GRIA3: variants seen among roughly 807,000 people sequenced by gnomAD.
The protein encoded by GRIA3 is glutamate receptor 3.
Under a neutral mutation model 63.0 loss-of-function variants are expected in GRIA3, and 3 were observed. The ratio of observed to expected loss-of-function variants is 0.05; its 90% confidence interval spans 0.02 to 0.12. The LOEUF (loss-of-function observed/expected upper bound fraction) is 0.12, where lower values mean the gene tolerates loss of function less well. GRIA3 is among the 10% of genes least tolerant of loss of function. GRIA3 has a pLI of 1.00. For missense variants in GRIA3, 347 were observed against 700.9 expected (o/e 0.50, Z 5.70); for synonymous variants, 274 against 257.9 (o/e 1.06, Z -0.60).
chrX:123,355,070 C>T (rs1337385360), intron 5 of GRIA3, 107 bp downstream of exon 5: 18 of 620,542 alleles, frequency 2.9e-5, no homozygotes, highest in Non-Finnish European at 3.6e-5. Context: ...TCTCCAGAAA[C>T]TTGGAGAAAT....
At chrX:123,406,717 G>A (rs1034514326) in intron 10 of GRIA3, among the ~76,000 whole-genome samples, 2 of 111,321 alleles carry the variant, frequency 1.8e-5, no homozygotes, top group Non-Finnish European at 1.9e-5. Context: ...TGGGAACTGA[G>A]GCAGGGCTAA....
At chrX:123,464,774 G>A (rs1352360006) in intron 12 of GRIA3, 91 bp from the exon 13 acceptor site, 1 of 785,875 alleles carries the variant, frequency 1.3e-6, no homozygotes, top group Non-Finnish European at 1.9e-6. Context: ...TTATTACTGT[G>A]GATTGCAATT....
intron 4 of GRIA3, 117 bp downstream of exon 4, chrX:123,326,330 A>T: frequency 3.9e-6 from 2 of 516,688 alleles, no homozygotes; most frequent in Non-Finnish European, 3.3e-6. Context: ...ACAGTTTTTG[A>T]TAGTCTCTCT....
chrX:123,193,511 G>C (rs1382935585), intron 2 of GRIA3, among the ~76,000 whole-genome samples: 4 of 112,014 alleles, frequency 3.6e-5, no homozygotes, highest in African/African-American at 1.3e-4. Context: ...CATTTTCAAG[G>C]CCTGTGCCAG....
At chrX:123,321,400 C>T (rs1375486865) in intron 3 of GRIA3, among the ~76,000 whole-genome samples, 1 of 112,108 alleles carries the variant, frequency 8.9e-6, no homozygotes, top group Admixed American at 9.5e-5. Flanking sequence ...AGTACAAATG[C>T]TGTGGCTCTG....
At chrX:123,374,260 C>T (rs112948800) in intron 5 of GRIA3, among the ~76,000 whole-genome samples, 15,538 of 111,220 alleles carry the variant, frequency 0.14, 1,023 homozygotes, top group Non-Finnish European at 0.2. Context: ...TTACTGTAGC[C>T]TTGTAGTATA....
Position 123,185,321 on chromosome X carries a change from C to A in GRIA3, c.110-511C>A, listed in dbSNP as rs753987261. Reference sequence around the variant, plus strand: ...CGCCTGGAGGGAGTTATCTTGGCTTCTGTCGTATTTACAAGTCTAGAAGTT... The same window carrying A: ...CGCCTGGAGGGAGTTATCTTGGCTTATGTCGTATTTACAAGTCTAGAAGTT... On this transcript the variant is annotated intron_variant, in intron 1 of 15. Transcript: ENST00000620443. Among the ~76,000 whole-genome samples, 4 of 111,649 alleles carry A rather than the reference C, an allele frequency of 3.6e-5. No homozygotes were observed. The East Asian group carries it at 1.1e-3, about 32-fold the overall frequency.
intron 2 of GRIA3, among the ~76,000 whole-genome samples, chrX:123,222,409 T>C (rs16997191): frequency 0.011 from 1,271 of 112,166 alleles, 19 homozygotes; most frequent in African/African-American, 0.039. Flanking sequence ...TATAAGAAAT[T>C]GAGATGAAGG....
intron 4 of GRIA3, among the ~76,000 whole-genome samples, chrX:123,351,152 T>A (rs774850604): frequency 8.9e-6 from 1 of 112,209 alleles, no homozygotes; most frequent in East Asian, 2.8e-4. Flanking sequence ...ACCAGAGTCA[T>A]TAAGTAACTG....
chrX:123,307,618 A>G (rs2147319850), intron 3 of GRIA3, among the ~76,000 whole-genome samples: 1 of 111,971 alleles, frequency 8.9e-6, no homozygotes, highest in Admixed American at 9.5e-5. Context: ...ACCTCTGAGC[A>G]GGTTTTAGAG....
chrX:123,226,076 T>C (rs752953916), intron 2 of GRIA3, among the ~76,000 whole-genome samples: 2 of 111,497 alleles, frequency 1.8e-5, no homozygotes, highest in African/African-American at 3.3e-5. Context: ...TTATAGTCTT[T>C]TTCCTTTACT....
chrX:123,292,257 C>T (rs1471093176), intron 3 of GRIA3, among the ~76,000 whole-genome samples: 2 of 111,470 alleles, frequency 1.8e-5, no homozygotes, highest in Non-Finnish European at 3.8e-5. Flanking sequence ...TTTATGCATG[C>T]AAATCTCTTT....
chrX:123,277,006 A>G (rs926926997), intron 3 of GRIA3, among the ~76,000 whole-genome samples: 1 of 111,643 alleles, frequency 9.0e-6, no homozygotes, highest in African/African-American at 3.3e-5. Context: ...AATAGAGAAC[A>G]TTTCTATCAT....
chrX:123,363,203 C>T (rs2045188067), intron 5 of GRIA3, among the ~76,000 whole-genome samples: 1 of 111,994 alleles, frequency 8.9e-6, no homozygotes, highest in African/African-American at 3.2e-5. Context: ...TGGCAGCCTT[C>T]CAACCCTCAT....
Position 123,436,309 on chromosome X carries a change from G to GTTTTT in GRIA3, c.2076+8171_2076+8175dup, listed in dbSNP as rs752538238. On this transcript the variant is annotated intron_variant, in intron 12 of 15. Transcript: ENST00000620443. Reference sequence around the variant, plus strand: ...TGGAAGAGATGTGGGTTTGTTTTTTGTTTTTGTTTGTTTGTTTGTTTGTTT... The same window carrying GTTTTT: ...TGGAAGAGATGTGGGTTTGTTTTTTGTTTTTTTTTTGTTTGTTTGTTTGTTTGTTT... Among the ~76,000 whole-genome samples the GTTTTT allele has an allele frequency of 1.7e-3, 190 of 111,313 alleles. 1 individual carries two copies. The highest frequency in any genetic ancestry group is 6.0e-3 in the African/African-American group (183 of 30,286).
intron 3 of GRIA3, among the ~76,000 whole-genome samples, chrX:123,263,115 A>G (rs1465301637): frequency 8.9e-6 from 1 of 112,205 alleles, no homozygotes; most frequent in African/African-American, 3.2e-5. Flanking sequence ...TTGCAACAAA[A>G]TCAACAGTGC....
At chrX:123,216,866 G>A (rs764146680) in intron 2 of GRIA3, among the ~76,000 whole-genome samples, 7 of 111,513 alleles carry the variant, frequency 6.3e-5, no homozygotes, top group Admixed American at 4.7e-4. Flanking sequence ...TTAAATACAC[G>A]GACTAAACTA....
intron 2 of GRIA3, among the ~76,000 whole-genome samples, chrX:123,245,774 C>T (rs2044355388): frequency 9.0e-6 from 1 of 111,544 alleles, no homozygotes; most frequent in Non-Finnish European, 1.9e-5. Flanking sequence ...AAACTAGGTT[C>T]CAGAAGCTGA....
chrX:123,451,351 A>T (rs1250215202), intron 12 of GRIA3, among the ~76,000 whole-genome samples: 2 of 107,006 alleles, frequency 1.9e-5, no homozygotes, highest in Non-Finnish European at 3.9e-5. Context: ...AGAAATTTTT[A>T]AAAAATTAGC....
Sources: gnomAD v4.1 joint callset for allele counts (sites outside exome capture counted in the v4.1 genomes callset) on GRCh38, gnomAD v4.1.1 for gene constraint, MANE v1.5 for transcripts, NCBI Gene and HGNC (gene_info 2026-07-23, HGNC 2026-07-21) for gene names.